Variants in GINS3 observed in about 807,000 individuals in gnomAD.
The protein encoded by GINS3 is GINS complex subunit 3, also known as DNA replication complex GINS protein PSF3.
GINS3 carries 18 observed loss-of-function variants against 20.0 expected under a neutral mutation model. The observed-to-expected ratio is 0.90, with a 90% CI of 0.62 to 1.33. The LOEUF is 1.33. GINS3 is among the 40% of genes most tolerant of loss of function. The pLI, the probability that GINS3 is intolerant of heterozygous loss-of-function variation, is 0.00. For missense variants in GINS3, 254 were observed against 273.6 expected, an observed-to-expected ratio of 0.93 and a Z score of 0.51; for synonymous variants, 109 against 107.0, an observed-to-expected ratio of 1.02 and a Z score of -0.12.
At position 58,404,821 on chromosome 16, in the gene GINS3, T is replaced by C. The variant is rs115414808; in HGVS notation, c.*92T>C. ...TTGACCTTGTACAGAACCAGAATCCTGTCCCATTTCATGGCTTATTTCCTG... is the reference window on the plus strand; with the variant it reads ...TTGACCTTGTACAGAACCAGAATCCCGTCCCATTTCATGGCTTATTTCCTG... On this transcript the variant is annotated 3_prime_UTR_variant, in exon 3 of 3. Transcript: ENST00000318129. The C allele has an allele frequency of 3.2e-3, 2,836 of 873,590 alleles. 70 individuals carry two copies. The African/African-American group carries it at 0.041, about 13-fold the overall frequency. The allele number at this position is 873,590 out of a possible 1,614,324, so 54.1% of individuals were successfully genotyped here.
chr16:58,397,021 C>A (rs1009383877), intron 1 of GINS3, among the ~76,000 whole-genome samples: 11 of 137,412 alleles, frequency 8.0e-5, no homozygotes, highest in African/African-American at 2.6e-4. Flanking sequence ...GGGGGGCTGA[C>A]CCCCCCACCT....
intron 1 of GINS3, among the ~76,000 whole-genome samples, chr16:58,401,159 A>G (rs1965949300): frequency 6.6e-6 from 1 of 151,250 alleles, no homozygotes; most frequent in African/African-American, 2.4e-5. Context: ...GAAGCCGAAG[A>G]CCCTTGTGGT....
chr16:58,392,930 T>A, intron 1 of GINS3, 143 bp downstream of exon 1: 1 of 851,126 alleles, frequency 1.2e-6, no homozygotes, highest in Non-Finnish European at 1.7e-6. Context: ...TAACGACTTC[T>A]CGGAAACTCC....
intron 1 of GINS3, 110 bp downstream of exon 1, chr16:58,392,897 C>G: frequency 2.5e-6 from 3 of 1,213,758 alleles, no homozygotes; most frequent in Non-Finnish European, 3.3e-6. Flanking sequence ...TTGTAGTTTT[C>G]GAGGAGCCAG....
intron 1 of GINS3, among the ~76,000 whole-genome samples, chr16:58,394,261 G>A (rs1031409470): frequency 5.9e-5 from 9 of 152,088 alleles, no homozygotes; most frequent in Non-Finnish European, 5.9e-5. Context: ...TGACCTCGAC[G>A]GTTTTGTGGA....
chr16:58,398,505 AG>A (rs1965913780), intron 1 of GINS3, among the ~76,000 whole-genome samples: 1 of 152,166 alleles, frequency 6.6e-6, no homozygotes, highest in South Asian at 2.1e-4. Context: ...GCTACTCAGG[AG>A]GCTGAGGCAA....
At position 58,404,519 on chromosome 16, in the gene GINS3, C is replaced by T. The variant is rs1966000962; in HGVS notation, c.441C>T (p.Arg147=). ...CCCAGACTTTTATCGGACGTTTTCG[C>T]CGCATCATGGACTCCTCACAGAATG... ...SLLQTFIGRF[R]RIMDSSQNAY... Residue 147 remains arginine (R), a synonymous_variant, in exon 3 of 3, where the codon CGC becomes CGT. Transcript: ENST00000318129. 1 of 1,613,980 alleles carries T rather than the reference C, an allele frequency of 6.2e-7. No individual in the cohort carries two copies. Among genetic ancestry groups the T allele is most frequent in the Non-Finnish European group, 8.5e-7 (1 of 1,179,950 alleles).
chr16:58,397,307 T>C (rs926399882), intron 1 of GINS3, among the ~76,000 whole-genome samples: 3 of 147,590 alleles, frequency 2.0e-5, no homozygotes. Flanking sequence ...GCAGAGACGC[T>C]CCTCACTTCC....
chr16:58,401,190 G>C (rs1567536856), intron 1 of GINS3, among the ~76,000 whole-genome samples: 1 of 152,062 alleles, frequency 6.6e-6, no homozygotes, highest in Non-Finnish European at 1.5e-5. Context: ...GTTCCTAAAG[G>C]TGGTGTGTCC....
intron 1 of GINS3, among the ~76,000 whole-genome samples, chr16:58,398,619 T>C (rs1258838350): frequency 6.6e-6 from 1 of 152,124 alleles, no homozygotes; most frequent in African/African-American, 2.4e-5. Context: ...CAAAAGAAAA[T>C]AAATAAAAAT....
Position 58,404,944 on chromosome 16 carries a change from G to A in GINS3, c.*215G>A. 1 of 547,854 alleles carries A rather than the reference G, an allele frequency of 1.8e-6. No individual in the cohort carries two copies. The highest frequency in any genetic ancestry group is 3.3e-6 in the Non-Finnish European group (1 of 307,414). 33.9% of individuals were successfully genotyped at this position (547,854 alleles called of 1,614,324 possible). The stretch of plus-strand genomic sequence containing the variant: ...GACCGTCCCACCCTGCTGACCCACA[G>A]CCCAGGCCCTTTAACCCAAGAACCC... On this transcript the variant is annotated 3_prime_UTR_variant, in exon 3 of 3. Coordinates refer to ENST00000318129, the MANE Select transcript of GINS3 (RefSeq NM_022770.4).
chr16:58,403,472 C>T, intron 2 of GINS3, 141 bp downstream of exon 2: 1 of 622,470 alleles, frequency 1.6e-6, no homozygotes, highest in South Asian at 2.0e-5. Context: ...CACTGTCTGT[C>T]CATTTTATAT....
chr16:58,393,926 A>G (rs1314712493), intron 1 of GINS3, among the ~76,000 whole-genome samples: 1 of 151,894 alleles, frequency 6.6e-6, no homozygotes, highest in Non-Finnish European at 1.5e-5. Context: ...CTCCAAGTCC[A>G]CAGGGCTCAT....
rs138142865 is a variant in GINS3, at chr16:58,400,598, A to G, written c.187-2500A>G. 2.4e-4 allele frequency among the ~76,000 whole-genome samples: 36 copies of G among 152,374 alleles called. No individual in the cohort carries two copies. In the East Asian group the frequency reaches 3.3e-3, roughly 14 times the overall value. ...AATGCCAACCAAGGGCCAACCTTGC[A>G]GCAGGCCTTGCTAAGATAGCAGCCT... On this transcript the variant is annotated intron_variant, in intron 1 of 2. Coordinates refer to ENST00000318129, the MANE Select transcript of GINS3 (RefSeq NM_022770.4).
In GINS3 at chr16:58,392,638, C is replaced by T; in HGVS notation, c.37C>T (p.Leu13=). ...TTATTTCCGAGTGGAGTCGGGTGCG[C>T]TGGGGCCTGAGGAGAACTTTCTTTC... is the stretch of plus-strand genomic sequence containing the variant. The part of the protein sequence containing the change: ...EAYFRVESGA[L]GPEENFLSLD... Residue 13 remains leucine, a synonymous_variant, in exon 1 of 3, where the codon CTG becomes TTG. Coordinates refer to ENST00000318129, the MANE Select transcript of GINS3 (RefSeq NM_022770.4). 6.2e-7 allele frequency: 1 copy of T among 1,614,232 alleles called. No homozygotes were observed. The highest frequency in any genetic ancestry group is 8.5e-7 in the Non-Finnish European group (1 of 1,180,032).
At chr16:58,401,482 G>A (rs1366091216) in intron 1 of GINS3, among the ~76,000 whole-genome samples, 1 of 152,158 alleles carries the variant, frequency 6.6e-6, no homozygotes, top group Non-Finnish European at 1.5e-5. Flanking sequence ...CTTGCTGATT[G>A]GTCCATTTTA....
chr16:58,403,013 G>A (rs932692732), intron 1 of GINS3, 85 bp from the exon 2 acceptor site: 22 of 1,070,296 alleles, frequency 2.1e-5, no homozygotes, highest in Non-Finnish European at 2.7e-5. Flanking sequence ...GCAGTATTGC[G>A]CAGGCGATGT....
At chr16:58,395,244 T>G (rs1965835410) in intron 1 of GINS3, 1 of 394,522 alleles carries the variant, frequency 2.5e-6, no homozygotes, top group African/African-American at 2.1e-5. Context: ...TCCAGCTAAT[T>G]TTTGTATTTT....
At chr16:58,395,807 C>G (rs1471506507) in intron 1 of GINS3, among the ~76,000 whole-genome samples, 1 of 152,202 alleles carries the variant, frequency 6.6e-6, no homozygotes, top group African/African-American at 2.4e-5. Context: ...TCCACAAAGC[C>G]GCCATTGTCA....
Sources: allele counts gnomAD v4.1 joint callset (sites outside exome capture counted in the v4.1 genomes callset), GRCh38; gene constraint gnomAD v4.1.1; transcripts MANE v1.5; gene names NCBI Gene and HGNC (gene_info 2026-07-23, HGNC 2026-07-21).